The following LRRC4C variants were observed in gnomAD, a reference collection of about 807,000 sequenced individuals.
LRRC4C encodes leucine-rich repeat-containing protein 4C.
Under a neutral mutation model 33.6 loss-of-function variants are expected in LRRC4C, and 5 were observed. That is an observed-to-expected ratio of 0.15 (90% CI 0.08 to 0.31). LRRC4C has a LOEUF of 0.31. LRRC4C is among the 10% of genes least tolerant of loss of function. LRRC4C has a pLI of 1.00. For missense variants in LRRC4C, 560 were observed against 796.7 expected, an observed-to-expected ratio of 0.70 and a Z score of 3.58; for synonymous variants, 329 against 302.0, an observed-to-expected ratio of 1.09 and a Z score of -0.93.
At chr11:40,936,343 T>G (rs935192156) in intron 1 of LRRC4C, among the ~76,000 whole-genome samples, 1 of 142,784 alleles carries the variant, frequency 7.0e-6, no homozygotes, top group African/African-American at 2.6e-5. Context: ...CTTGTTTTTT[T>G]TTTTTTTTTT....
Position 40,185,738 on chromosome 11 carries a change from C to T in LRRC4C, c.-95-44885G>A, listed in dbSNP as rs78809454. 8.2e-3 allele frequency among the ~76,000 whole-genome samples: 1,254 copies of T among 152,158 alleles called. 37 individuals are homozygous for T. In the South Asian group the frequency reaches 0.087, roughly 11 times the overall value. ...GGGTGAAGAAACTTGCTCAAGGTAA[C>T]ATAGTTATAAAGTAATGGAGATTAA... On this transcript the variant is annotated intron_variant, in intron 5 of 6. Transcript: ENST00000528697.
intron 1 of LRRC4C, among the ~76,000 whole-genome samples, chr11:41,117,104 G>T (rs1339062240): frequency 6.6e-6 from 1 of 152,106 alleles, no homozygotes; most frequent in Non-Finnish European, 1.5e-5. Flanking sequence ...TGAAAAACTT[G>T]CGGCCCAGGG....
intron 1 of LRRC4C, among the ~76,000 whole-genome samples, chr11:41,120,520 A>C (rs559885233): frequency 6.6e-6 from 1 of 152,174 alleles, no homozygotes; most frequent in East Asian, 1.9e-4. Flanking sequence ...TTGGGGAGAA[A>C]GTGAGCTAGG....
intron 3 of LRRC4C, among the ~76,000 whole-genome samples, chr11:40,538,493 T>C (rs1419228257): frequency 6.6e-6 from 1 of 152,210 alleles, no homozygotes; most frequent in African/African-American, 2.4e-5. Flanking sequence ...TAGTATTCCA[T>C]GGTGTATATG....
intron 1 of LRRC4C, among the ~76,000 whole-genome samples, chr11:40,936,044 A>G (rs1215130720): frequency 1.4e-5 from 1 of 71,872 alleles, no homozygotes; most frequent in African/African-American, 5.6e-5. Context: ...ATATATATAT[A>G]TATATATATA....
chr11:40,129,159 A>G (rs548687356), intron 6 of LRRC4C, among the ~76,000 whole-genome samples: 2 of 152,300 alleles, frequency 1.3e-5, no homozygotes, highest in Admixed American at 1.3e-4. Context: ...TCAAGGCTGT[A>G]AACGCACTAA....
chr11:40,454,388 AT>A lies in LRRC4C; in HGVS notation c.-269-134668del, dbSNP rs879523492. ...GAGTTACAGGTAGTAAACTTAGAGA[AT>A]TTTTTTTTTTTGTATTCTAACACTT... On this transcript the variant is annotated intron_variant, in intron 3 of 6. Transcript: ENST00000528697. Among the ~76,000 whole-genome samples, 657 of 146,612 alleles carry A rather than the reference AT, an allele frequency of 4.5e-3. 2 individuals are homozygous for A. Among genetic ancestry groups the A allele is most frequent in the African/African-American group, 0.013 (528 of 40,324 alleles).
intron 5 of LRRC4C, among the ~76,000 whole-genome samples, chr11:40,148,686 T>C (rs1336519365): frequency 6.6e-6 from 1 of 152,210 alleles, no homozygotes; most frequent in African/African-American, 2.4e-5. Context: ...CTTAGTTTAA[T>C]TAGATCCTAT....
chr11:40,282,414 C>T (rs768898280), intron 4 of LRRC4C, among the ~76,000 whole-genome samples: 8 of 152,116 alleles, frequency 5.3e-5, no homozygotes, highest in South Asian at 2.1e-4. Context: ...CAAATCCTCA[C>T]GCTTTATCAT....
At chr11:40,689,857 TC>T (rs1267185314) in intron 2 of LRRC4C, among the ~76,000 whole-genome samples, 2 of 152,138 alleles carry the variant, frequency 1.3e-5, no homozygotes, top group African/African-American at 2.4e-5. Context: ...TTAACAAGGT[TC>T]TGAACACAGG....
intron 1 of LRRC4C, among the ~76,000 whole-genome samples, chr11:41,329,844 A>G (rs1281748751): frequency 6.6e-6 from 1 of 152,188 alleles, no homozygotes; most frequent in Admixed American, 6.5e-5. Flanking sequence ...GGACAATTCC[A>G]CATGAGGAGG....
chr11:40,403,896 A>AT (rs1377241060), intron 3 of LRRC4C, among the ~76,000 whole-genome samples: 1 of 152,088 alleles, frequency 6.6e-6, no homozygotes, highest in Non-Finnish European at 1.5e-5. Context: ...ACTGTCCAAA[A>AT]TTCAAGTCCA....
At chr11:41,236,943 C>T (rs1163591017) in intron 1 of LRRC4C, among the ~76,000 whole-genome samples, 1 of 152,192 alleles carries the variant, frequency 6.6e-6, no homozygotes, top group East Asian at 1.9e-4. Flanking sequence ...GCCTGAAAGG[C>T]AGGCACAATT....
intron 1 of LRRC4C, among the ~76,000 whole-genome samples, chr11:41,425,440 G>A (rs1313495260): frequency 6.6e-6 from 1 of 151,968 alleles, no homozygotes; most frequent in East Asian, 1.9e-4. Flanking sequence ...TTTTCCAAAG[G>A]GCCTCTGGCT....
intron 4 of LRRC4C, among the ~76,000 whole-genome samples, chr11:40,305,242 T>C (rs1016569079): frequency 6.6e-6 from 1 of 152,202 alleles, no homozygotes; most frequent in Non-Finnish European, 1.5e-5. Context: ...CTACCCCATG[T>C]CTATTGCAAC....
intron 1 of LRRC4C, among the ~76,000 whole-genome samples, chr11:41,137,972 G>T (rs1055679482): frequency 6.6e-6 from 1 of 152,162 alleles, no homozygotes; most frequent in Non-Finnish European, 1.5e-5. Context: ...GTTACCATGG[G>T]CATGCCAACT....
Position 41,279,424 on chromosome 11 carries a change from A to ACCC in LRRC4C, c.-496+180006_-496+180007insGGG, listed in dbSNP as rs1227274322. The stretch of plus-strand genomic sequence containing the variant: ...CACACACACACACACACACACACAC[A>ACCC]CACACCGTGGCAATCACTGCCTGCA... On this transcript the variant is annotated intron_variant, in intron 1 of 6. Transcript: ENST00000528697. Among the ~76,000 whole-genome samples, 5 of 128,708 alleles carry ACCC rather than the reference A, an allele frequency of 3.9e-5. No individual in the cohort carries two copies. In the East Asian group the frequency reaches 1.0e-3, roughly 26 times the overall value. The allele number at this position is 128,708 out of a possible 152,430, so 84.4% of individuals were successfully genotyped here. A position where few individuals can be genotyped will look rare whatever the true frequency, so the allele number is the denominator to read the frequency against.
intron 2 of LRRC4C, among the ~76,000 whole-genome samples, chr11:40,826,529 G>A (rs1952176469): frequency 6.6e-6 from 1 of 151,808 alleles, no homozygotes; most frequent in African/African-American, 2.4e-5. Flanking sequence ...TGATGACAGA[G>A]AAAACGCACG....
intron 5 of LRRC4C, among the ~76,000 whole-genome samples, chr11:40,180,461 G>C (rs12284946): frequency 0.058 from 8,843 of 152,228 alleles, 636 homozygotes; most frequent in East Asian, 0.16. Context: ...AGAAGGGGCA[G>C]ACGTTGAGTG....
Sources: allele counts gnomAD v4.1 joint callset (sites outside exome capture counted in the v4.1 genomes callset), GRCh38; gene constraint gnomAD v4.1.1; transcripts MANE v1.5; gene names NCBI Gene and HGNC (gene_info 2026-07-23, HGNC 2026-07-21).